The following FAM47E variants were observed in gnomAD, a reference collection of about 807,000 sequenced individuals.
The protein encoded by FAM47E is family with sequence similarity 47 member E.
In FAM47E, 32 loss-of-function variants were observed where a neutral mutation model predicts 41.6. The observed-to-expected ratio is 0.77, with a 90% CI of 0.58 to 1.03. The LOEUF (loss-of-function observed/expected upper bound fraction) is 1.03, where lower values mean the gene tolerates loss of function less well. FAM47E is among the 50% of genes least tolerant of loss of function. The probability of loss-of-function intolerance (pLI) is 0.00; values close to 1 mark genes in which losing one functional copy is unlikely to be tolerated. For missense variants in FAM47E, 424 were observed against 485.4 expected (o/e 0.87, Z 1.19); for synonymous variants, 184 against 188.7 (o/e 0.98, Z 0.20).
chr4:76,220,990 G>A (rs1733296598), intron 2 of FAM47E, among the ~76,000 whole-genome samples: 1 of 152,062 alleles, frequency 6.6e-6, no homozygotes, highest in South Asian at 2.1e-4. Flanking sequence ...ATTTCCCCAT[G>A]GGAAACTGTA....
intron 2 of FAM47E, among the ~76,000 whole-genome samples, chr4:76,237,255 G>A (rs141883544): frequency 8.6e-4 from 131 of 151,932 alleles, no homozygotes; most frequent in Middle Eastern, 3.5e-3. Context: ...AAGGTATAAT[G>A]AGGTATGCCC....
intron 2 of FAM47E, among the ~76,000 whole-genome samples, chr4:76,260,622 C>A (rs1392510564): frequency 2.0e-5 from 3 of 151,958 alleles, no homozygotes; most frequent in Non-Finnish European, 2.9e-5. Flanking sequence ...TAGAAGAAAA[C>A]CTACAAAAAA....
intron 1 of FAM47E, chr4:76,214,459 C>T (rs899251491): frequency 2.7e-6 from 1 of 369,516 alleles, no homozygotes; most frequent in Non-Finnish European, 5.4e-6. Flanking sequence ...AGAGCAAAAC[C>T]TGTAGGAAGC....
intron 2 of FAM47E, among the ~76,000 whole-genome samples, chr4:76,257,584 C>T (rs187304485): frequency 9.0e-4 from 137 of 152,294 alleles, no homozygotes; most frequent in Non-Finnish European, 1.0e-3. Context: ...TCCTGCCACT[C>T]CAACCACTCT....
At chr4:76,260,859 T>C (rs62300777) in intron 2 of FAM47E, among the ~76,000 whole-genome samples, 62,089 of 151,588 alleles carry the variant, frequency 0.41, 14,149 homozygotes, top group Non-Finnish European at 0.53. Flanking sequence ...ACGTAAACAA[T>C]TCAACAAGAA....
chr4:76,283,672 AC>A lies in FAM47E; in HGVS notation c.*217del. 1 of 452,150 alleles carries A rather than the reference AC, an allele frequency of 2.2e-6. No homozygotes were observed. The highest frequency in any genetic ancestry group is 4.0e-6 in the Non-Finnish European group (1 of 249,754). 28.0% of individuals were successfully genotyped at this position (452,150 alleles called of 1,614,324 possible). On this transcript the variant is annotated 3_prime_UTR_variant, in exon 8 of 8. Coordinates refer to ENST00000424749, the MANE Select transcript of FAM47E (RefSeq NM_001136570.3). ...TAATCAACATTTTGTATACTTTATC[AC>A]CCATGAGATCAATATTCACATGTAA... is the stretch of plus-strand genomic sequence containing the variant.
At chr4:76,270,693 T>C (rs1415616984) in intron 4 of FAM47E, among the ~76,000 whole-genome samples, 1 of 152,208 alleles carries the variant, frequency 6.6e-6, no homozygotes, top group African/African-American at 2.4e-5. Context: ...CTCTGGTAAC[T>C]GCCTGTAGTT....
chr4:76,240,236 C>T (rs933777087), intron 2 of FAM47E, among the ~76,000 whole-genome samples: 3 of 152,156 alleles, frequency 2.0e-5, no homozygotes, highest in African/African-American at 7.2e-5. Flanking sequence ...TGCTTTCTGG[C>T]CTCTGAAGTT....
chr4:76,246,700 C>T lies in FAM47E; in HGVS notation c.82-17004C>T, dbSNP rs181658477. 6.6e-5 allele frequency among the ~76,000 whole-genome samples: 10 copies of T among 152,018 alleles called. No individual in the cohort carries two copies. In the East Asian group the frequency reaches 1.9e-3, roughly 29 times the overall value. On this transcript the variant is annotated intron_variant, in intron 2 of 7. Transcript: ENST00000510197. The stretch of plus-strand genomic sequence containing the variant: ...TCATGCCTTCTCTTTGTCAGTTACC[C>T]GCCAAGTAACCACAATTCTGACATT...
rs559245233 is a variant in FAM47E, at chr4:76,268,532, G to T, written c.561-128G>T. 73 of 890,644 alleles carry T rather than the reference G, an allele frequency of 8.2e-5. No individual in the cohort carries two copies. In the African/African-American group the frequency reaches 1.2e-3, roughly 15 times the overall value. The allele number at this position is 890,644 out of a possible 1,614,324, so 55.2% of individuals were successfully genotyped here. A position where few individuals can be genotyped will look rare whatever the true frequency, so the allele number is the denominator to read the frequency against. On this transcript the variant is annotated intron_variant, in intron 3 of 7. Coordinates refer to ENST00000424749, the MANE Select transcript of FAM47E (RefSeq NM_001136570.3). ...TCTTTGAAAAATTAAAATACAATTT[G>T]TATGTGAGCTTGCAAGAGACTGTTA...
chr4:76,217,981 G>C (rs1733243482), intron 2 of FAM47E, among the ~76,000 whole-genome samples: 1 of 152,184 alleles, frequency 6.6e-6, no homozygotes, highest in Non-Finnish European at 1.5e-5. Context: ...TAATGATGTA[G>C]TCATTGTATA....
intron 2 of FAM47E, among the ~76,000 whole-genome samples, chr4:76,218,709 T>C (rs1448263490): frequency 6.6e-6 from 1 of 152,242 alleles, no homozygotes; most frequent in Non-Finnish European, 1.5e-5. Context: ...TAGGAGGAGA[T>C]ATCCTATTCA....
chr4:76,237,891 C>T (rs1319931060), intron 2 of FAM47E, among the ~76,000 whole-genome samples: 1 of 152,198 alleles, frequency 6.6e-6, no homozygotes, highest in Non-Finnish European at 1.5e-5. Flanking sequence ...GAGAAATCCA[C>T]CCCCGTGATC....
At chr4:76,265,224 T>C (rs1734581666) in intron 3 of FAM47E, among the ~76,000 whole-genome samples, 2 of 152,228 alleles carry the variant, frequency 1.3e-5, no homozygotes, top group African/African-American at 2.4e-5. Flanking sequence ...CAGTTCTGCC[T>C]TTCCTCCATG....
At chr4:76,256,059 C>G in intron 1 of FAM47E, 119 bp from the exon 2 acceptor site, 1 of 1,178,960 alleles carries the variant, frequency 8.5e-7, no homozygotes, top group East Asian at 2.6e-5. Context: ...TCCCCTACCC[C>G]CAACCCTAAA....
At position 76,237,725 on chromosome 4, in the gene FAM47E, C is replaced by T. The variant is rs749223311; in HGVS notation, c.81+20037C>T. Among the ~76,000 whole-genome samples the T allele has an allele frequency of 6.6e-4, 100 of 152,122 alleles. 1 individual carries two copies. Among genetic ancestry groups the T allele is most frequent in the Admixed American group, 1.3e-3 (20 of 15,260 alleles). ...GGCCTCAGGAAACTCACAGTCATGA[C>T]AGAAGGTGAAGGGGGAGCAGGCACA... On this transcript the variant is annotated intron_variant, in intron 2 of 7. Transcript: ENST00000510197.
intron 4 of FAM47E, among the ~76,000 whole-genome samples, chr4:76,270,729 C>A (rs1734849688): frequency 6.6e-6 from 1 of 152,174 alleles, no homozygotes; most frequent in African/African-American, 2.4e-5. Flanking sequence ...AAGCTCCCAT[C>A]TTTACTGTCA....
intron 2 of FAM47E, among the ~76,000 whole-genome samples, chr4:76,223,264 G>A (rs1302957062): frequency 2.0e-5 from 3 of 152,166 alleles, no homozygotes; most frequent in African/African-American, 7.2e-5. Context: ...AACACATACA[G>A]TGCTTGGCCT....
chr4:76,237,555 T>A (rs897855833), intron 2 of FAM47E, among the ~76,000 whole-genome samples: 4 of 151,848 alleles, frequency 2.6e-5, no homozygotes, highest in Non-Finnish European at 5.9e-5. Flanking sequence ...AACCAAGGAG[T>A]TTGGACCCTG....
Sources: allele counts gnomAD v4.1 joint callset (sites outside exome capture counted in the v4.1 genomes callset), GRCh38; gene constraint gnomAD v4.1.1; transcripts MANE v1.5; gene names NCBI Gene and HGNC (gene_info 2026-07-23, HGNC 2026-07-21).